The following TBC1D5 variants were observed in gnomAD, a reference collection of about 807,000 sequenced individuals.
TBC1D5 encodes the protein TBC1 domain family, member 5.
Under a neutral mutation model 100.3 loss-of-function variants are expected in TBC1D5, and 75 were observed. The observed-to-expected ratio is 0.75, with a 90% CI of 0.62 to 0.91. TBC1D5 has a LOEUF of 0.91. TBC1D5 is among the 40% of genes least tolerant of loss of function. The pLI is 0.00. For synonymous variants in TBC1D5, 323 were observed against 325.6 expected (o/e 0.99, Z 0.09); for missense variants, 910 against 942.4 (o/e 0.97, Z 0.45).
At chr3:17,159,974 A>C (rs2065897135) in exon 22 of TBC1D5, 1 of 152,242 alleles carries the variant, frequency 6.6e-6, no homozygotes, top group African/African-American at 2.4e-5. Context: ...GTGGGAATGA[A>C]CTTGGGTTTT....
intron 15 of TBC1D5, among the ~76,000 whole-genome samples, chr3:17,289,846 C>T (rs997918005): frequency 3.9e-5 from 6 of 152,184 alleles, no homozygotes; most frequent in African/African-American, 1.4e-4. Flanking sequence ...GAACACTACA[C>T]TGCCACAGGC....
At chr3:17,501,466 G>A (rs1196097798) in intron 3 of TBC1D5, among the ~76,000 whole-genome samples, 4 of 148,980 alleles carry the variant, frequency 2.7e-5, no homozygotes, top group Non-Finnish European at 1.5e-5. Context: ...AGGAATCACT[G>A]TGAAAAGTTT....
chr3:17,711,932 T>C (rs937321701), intron 1 of TBC1D5, among the ~76,000 whole-genome samples: 4 of 152,228 alleles, frequency 2.6e-5, no homozygotes, highest in African/African-American at 4.8e-5. Flanking sequence ...AATGCCAAAC[T>C]GTCTTTACTT....
At chr3:17,547,344 T>A (rs2096427896) in intron 2 of TBC1D5, among the ~76,000 whole-genome samples, 1 of 152,172 alleles carries the variant, frequency 6.6e-6, no homozygotes, top group African/African-American at 2.4e-5. Context: ...CTCGGTTATT[T>A]AGCACCCATT....
At chr3:17,263,728 T>G (rs1398015458) in intron 15 of TBC1D5, among the ~76,000 whole-genome samples, 2 of 152,184 alleles carry the variant, frequency 1.3e-5, no homozygotes, top group Admixed American at 1.3e-4. Context: ...GAACTGACAG[T>G]GGTAGATGCA....
intron 1 of TBC1D5, among the ~76,000 whole-genome samples, chr3:17,722,977 T>C (rs1489630059): frequency 6.6e-6 from 1 of 152,220 alleles, no homozygotes; most frequent in Non-Finnish European, 1.5e-5. Flanking sequence ...TTTCCCCAAA[T>C]GTGGTTTGCA....
At chr3:17,709,609 T>C (rs1015571741) in intron 1 of TBC1D5, among the ~76,000 whole-genome samples, 1 of 152,124 alleles carries the variant, frequency 6.6e-6, no homozygotes, top group African/African-American at 2.4e-5. Context: ...TAACGGCACA[T>C]TGAAATAATA....
In TBC1D5 at chr3:17,349,860, C is replaced by T. The variant is rs140996831; in HGVS notation, c.995+22215G>A. Among the ~76,000 whole-genome samples, 717 of 152,192 alleles carry T rather than the reference C, an allele frequency of 4.7e-3. 4 individuals are homozygous for T. The highest frequency in any genetic ancestry group is 0.016 in the African/African-American group (676 of 41,526). ...CGATTAAACAATTAGGAAAAAAATG[C>T]ATATCTCCCTAATGAAAGCAGTTAA... On this transcript the variant is annotated intron_variant, in intron 13 of 21. Coordinates refer to ENST00000253692, the Ensembl canonical transcript of TBC1D5.
chr3:17,273,443 A>G (rs2079634885), intron 15 of TBC1D5, among the ~76,000 whole-genome samples: 1 of 152,152 alleles, frequency 6.6e-6, no homozygotes, highest in Non-Finnish European at 1.5e-5. Flanking sequence ...AGCTCTAGGC[A>G]TACATTCCCA....
chr3:17,714,366 G>C (rs1346387988), intron 1 of TBC1D5, among the ~76,000 whole-genome samples: 1 of 152,164 alleles, frequency 6.6e-6, no homozygotes, highest in Non-Finnish European at 1.5e-5. Context: ...GCATAGAGGG[G>C]AATTTGGAAG....
chr3:17,185,304 T>A (rs1292385379), intron 18 of TBC1D5, 96 bp from the exon 20 acceptor site: 2 of 932,700 alleles, frequency 2.1e-6, no homozygotes, highest in Non-Finnish European at 3.1e-6. Flanking sequence ...TAAAGAAGCA[T>A]GATACCTTTT....
chr3:17,488,789 G>A (rs922954226), intron 3 of TBC1D5, among the ~76,000 whole-genome samples: 1 of 151,988 alleles, frequency 6.6e-6, no homozygotes, highest in Admixed American at 6.6e-5. Context: ...TCTGTGGCCT[G>A]TTAGGAACCA....
chr3:17,491,555 T>C (rs1251228965), intron 3 of TBC1D5, among the ~76,000 whole-genome samples: 4 of 152,212 alleles, frequency 2.6e-5, no homozygotes, highest in African/African-American at 4.8e-5. Flanking sequence ...TCTGCCTCTA[T>C]TGAGATAATC....
Position 17,617,716 on chromosome 3 carries a change from G to A in TBC1D5, c.-36+6133C>T, listed in dbSNP as rs1260555728. ...CTATTGAAGCTTGTGCGTGCATCAC[G>A]AAGTTCTCGTGCCATGGTTTTCAGC... On this transcript the variant is annotated intron_variant, in intron 2 of 21. Transcript: ENST00000253692. Among the ~76,000 whole-genome samples, 4 of 152,196 alleles carry A rather than the reference G, an allele frequency of 2.6e-5. No individual in the cohort carries two copies. In the East Asian group the frequency reaches 5.8e-4, roughly 22 times the overall value.
Position 17,292,877 on chromosome 3 carries a change from T to C in TBC1D5, c.1139-876A>G, listed in dbSNP as rs374475957. Reference sequence around the variant, plus strand: ...AATCAGTTACTTGAAAAATGTTCCATAAGAAAACAACTGTGATTCAATAGA... The same window carrying C: ...AATCAGTTACTTGAAAAATGTTCCACAAGAAAACAACTGTGATTCAATAGA... On this transcript the variant is annotated intron_variant, in intron 14 of 21. Transcript: ENST00000253692. 1.4e-4 allele frequency among the ~76,000 whole-genome samples: 21 copies of C among 152,324 alleles called. 2 individuals are homozygous for C. In the South Asian group the frequency reaches 3.9e-3, roughly 29 times the overall value.
At chr3:17,538,037 A>G (rs757341581) in intron 2 of TBC1D5, among the ~76,000 whole-genome samples, 4 of 152,182 alleles carry the variant, frequency 2.6e-5, no homozygotes, top group Non-Finnish European at 5.9e-5. Context: ...CAGGAAGGGC[A>G]GAACAACTCA....
At chr3:17,666,950 A>AT (rs905789917) in intron 1 of TBC1D5, among the ~76,000 whole-genome samples, 1 of 151,928 alleles carries the variant, frequency 6.6e-6, no homozygotes, top group South Asian at 2.1e-4. Flanking sequence ...ATTAGTCTGA[A>AT]TTTTTTTTCA....
intron 3 of TBC1D5, among the ~76,000 whole-genome samples, chr3:17,465,770 G>A (rs2095290852): frequency 6.6e-6 from 1 of 152,180 alleles, no homozygotes. Context: ...AATATTTCAA[G>A]AAGCAATGGA....
At chr3:17,446,746 T>C (rs1041138225) in intron 3 of TBC1D5, among the ~76,000 whole-genome samples, 1 of 151,752 alleles carries the variant, frequency 6.6e-6, no homozygotes, top group Admixed American at 6.5e-5. Flanking sequence ...CCGAGGCGGG[T>C]GGATCACGAC....
Sources: allele counts gnomAD v4.1 joint callset (sites outside exome capture counted in the v4.1 genomes callset), GRCh38; gene constraint gnomAD v4.1.1; transcripts MANE v1.5; gene names NCBI Gene and HGNC (gene_info 2026-07-23, HGNC 2026-07-21).